Variants in SLC14A2 observed in about 807,000 individuals in gnomAD.
SLC14A2 encodes solute carrier family 14 member 2, also known as urea transporter 2.
In SLC14A2, 91 loss-of-function variants were observed where a neutral mutation model predicts 104.6. The observed-to-expected ratio is 0.87, with a 90% confidence interval of 0.73 to 1.04. The LOEUF is 1.04. Ranked by LOEUF, SLC14A2 falls within the 50% of genes least tolerant of loss-of-function variation. The probability of loss-of-function intolerance (pLI) is 0.00; values close to 1 mark genes in which losing one functional copy is unlikely to be tolerated. For missense variants in SLC14A2, 1,189 were observed against 1,156.0 expected (o/e 1.03, Z -0.41); for synonymous variants, 476 against 466.4 (o/e 1.02, Z -0.27).
At chr18:45,562,451 G>A (rs1165401988) in intron 2 of SLC14A2, among the ~76,000 whole-genome samples, 1 of 152,208 alleles carries the variant, frequency 6.6e-6, no homozygotes, top group Non-Finnish European at 1.5e-5. Flanking sequence ...AGTAGTAAGT[G>A]TTCAATGAAT....
intron 5 of SLC14A2, among the ~76,000 whole-genome samples, chr18:45,634,464 G>A (rs1042281210): frequency 6.6e-6 from 1 of 152,250 alleles, no homozygotes; most frequent in Non-Finnish European, 1.5e-5. Context: ...CCAGACATGT[G>A]TGCTCAGGGA....
chr18:45,219,198 A>G (rs1392212381), intron 1 of SLC14A2, among the ~76,000 whole-genome samples: 2 of 152,216 alleles, frequency 1.3e-5, no homozygotes, highest in African/African-American at 4.8e-5. Flanking sequence ...TATTCGTTTT[A>G]AAATCCTTTA....
At chr18:45,664,796 A>T (rs950237708) in intron 11 of SLC14A2, among the ~76,000 whole-genome samples, 1 of 152,162 alleles carries the variant, frequency 6.6e-6, no homozygotes, top group African/African-American at 2.4e-5. Flanking sequence ...TGCCGAGGAC[A>T]TTGCACATCT....
At chr18:45,235,381 G>A (rs2084214709) in intron 1 of SLC14A2, among the ~76,000 whole-genome samples, 1 of 152,036 alleles carries the variant, frequency 6.6e-6, no homozygotes, top group Non-Finnish European at 1.5e-5. Flanking sequence ...AAGGTAATTA[G>A]AATATCCATC....
chr18:45,516,210 C>A (rs946886038), intron 2 of SLC14A2, among the ~76,000 whole-genome samples: 1 of 152,180 alleles, frequency 6.6e-6, no homozygotes. Context: ...TTCTCTCCCC[C>A]CTCACTACTG....
At position 45,339,674 on chromosome 18, in the gene SLC14A2, G is replaced by A. The variant is rs545683051; in HGVS notation, c.-125+126483G>A. Among the ~76,000 whole-genome samples, 4 of 152,302 alleles carry A rather than the reference G, an allele frequency of 2.6e-5. No homozygotes were observed. The East Asian group carries it at 7.7e-4, about 29-fold the overall frequency. ...TGACCTGGATTGTGGACAATGAAAA[G>A]AGCATCAGCTGAGCAATGGATGGTG... On this transcript the variant is annotated intron_variant, in intron 1 of 20. Coordinates refer to the SLC14A2 transcript ENST00000586448.
intron 2 of SLC14A2, among the ~76,000 whole-genome samples, chr18:45,522,715 G>A (rs2043533720): frequency 6.6e-6 from 1 of 152,140 alleles, no homozygotes; most frequent in African/African-American, 2.4e-5. Flanking sequence ...CAGTGTGCTT[G>A]TTATTGTGGT....
intron 1 of SLC14A2, among the ~76,000 whole-genome samples, chr18:45,317,696 C>T (rs1490970045): frequency 1.3e-5 from 2 of 152,230 alleles, no homozygotes; most frequent in African/African-American, 4.8e-5. Context: ...AGGCAGCCAG[C>T]TGTGTTCCCC....
At position 45,387,873 on chromosome 18, in the gene SLC14A2, G is replaced by A. The variant is rs375573117; in HGVS notation, c.-124-95360G>A. Among the ~76,000 whole-genome samples the A allele has an allele frequency of 2.0e-5, 3 of 152,046 alleles. 1 individual carries two copies. Among genetic ancestry groups the A allele is most frequent in the South Asian group, 4.1e-4 (2 of 4,822 alleles). On this transcript the variant is annotated intron_variant, in intron 1 of 20. Transcript: ENST00000586448. Reference sequence around the variant, plus strand: ...TATTTGTCAAAAATGCATGAAAGCCGGTATAGGCTTTGTCCATAGGGCAGA... The same window carrying A: ...TATTTGTCAAAAATGCATGAAAGCCAGTATAGGCTTTGTCCATAGGGCAGA...
chr18:45,241,722 C>A (rs1203736877), intron 1 of SLC14A2, among the ~76,000 whole-genome samples: 8 of 147,522 alleles, frequency 5.4e-5, no homozygotes, highest in Non-Finnish European at 8.9e-5. Flanking sequence ...CGGCTCACAG[C>A]AACCTATTTC....
Position 45,665,224 on chromosome 18 carries a change from G to A in SLC14A2, c.1475-913G>A, listed in dbSNP as rs563652153. On this transcript the variant is annotated intron_variant, in intron 11 of 19. Coordinates refer to ENST00000255226, the MANE Select transcript of SLC14A2 (RefSeq NM_007163.4). ...CCCTGACGACTCATGAGTGCAGAAC[G>A]GGGGAACAGGCAATTCAGTCTGAAA... Among the ~76,000 whole-genome samples the A allele has an allele frequency of 9.9e-4, 151 of 152,238 alleles. 2 individuals carry two copies. The highest frequency in any genetic ancestry group is 1.7e-3 in the Non-Finnish European group (116 of 68,014).
intron 2 of SLC14A2, 104 bp from the exon 3 acceptor site, chr18:45,625,579 G>T (rs2045244232): frequency 1.1e-6 from 1 of 895,866 alleles, no homozygotes; most frequent in South Asian, 2.0e-5. Context: ...TTTGTCTCAT[G>T]ATCCTTTATT....
At chr18:45,259,275 T>C (rs765816182) in intron 1 of SLC14A2, among the ~76,000 whole-genome samples, 1 of 152,176 alleles carries the variant, frequency 6.6e-6, no homozygotes, top group Non-Finnish European at 1.5e-5. Context: ...TTATGTCCAC[T>C]GTAGGGTCAT....
At chr18:45,173,257 C>G in the SLC14A2 span, among the ~76,000 whole-genome samples, 1 of 151,952 alleles carries the variant, frequency 6.6e-6, no homozygotes, top group Non-Finnish European at 1.5e-5. Flanking sequence ...ATCAGAAATA[C>G]AAAATACTAA....
intron 1 of SLC14A2, among the ~76,000 whole-genome samples, chr18:45,344,560 G>A (rs1186055951): frequency 8.5e-5 from 13 of 152,186 alleles, no homozygotes; most frequent in Non-Finnish European, 1.8e-4. Flanking sequence ...GGGTCTAGAA[G>A]GGTTCAGACA....
At chr18:45,355,515 T>A (rs1598713967) in intron 1 of SLC14A2, among the ~76,000 whole-genome samples, 1 of 139,380 alleles carries the variant, frequency 7.2e-6, no homozygotes, top group Non-Finnish European at 1.5e-5. Flanking sequence ...GAAGCAGAGG[T>A]TGCAGTGAGC....
At chr18:45,309,755 G>A (rs1052498926) in intron 1 of SLC14A2, among the ~76,000 whole-genome samples, 5 of 152,116 alleles carry the variant, frequency 3.3e-5, no homozygotes, top group African/African-American at 1.2e-4. Context: ...ATTGTATGAG[G>A]AACATTTTTG....
chr18:45,545,836 A>C (rs1370134172), intron 2 of SLC14A2, among the ~76,000 whole-genome samples: 1 of 152,236 alleles, frequency 6.6e-6, no homozygotes, highest in Non-Finnish European at 1.5e-5. Flanking sequence ...CCATTAGTAA[A>C]TATATTTAAG....
intron 10 of SLC14A2, among the ~76,000 whole-genome samples, chr18:45,650,325 T>G (rs2045711104): frequency 6.6e-6 from 1 of 152,166 alleles, no homozygotes; most frequent in Non-Finnish European, 1.5e-5. Context: ...GTTTATGATT[T>G]TTTTTTTAAT....
Sources: gnomAD v4.1 joint callset for allele counts (sites outside exome capture counted in the v4.1 genomes callset) on GRCh38, gnomAD v4.1.1 for gene constraint, MANE v1.5 for transcripts, NCBI Gene and HGNC (gene_info 2026-07-23, HGNC 2026-07-21) for gene names.